TCEA3: variants seen among roughly 807,000 people sequenced by gnomAD.
TCEA3 encodes the protein transcription elongation factor A3.
TCEA3 carries 36 observed loss-of-function variants against 44.0 expected under a neutral mutation model. That is an observed-to-expected ratio of 0.82 (90% CI 0.63 to 1.08). The LOEUF is 1.08. Ranked by LOEUF, TCEA3 falls within the 50% of genes least tolerant of loss-of-function variation. TCEA3 has a pLI of 0.00. For synonymous variants in TCEA3, 162 were observed against 159.7 expected, an observed-to-expected ratio of 1.01 and a Z score of -0.11; for missense variants, 392 against 441.2, an observed-to-expected ratio of 0.89 and a Z score of 1.00.
chr1:23,384,811 C>T (rs577540994), intron 9 of TCEA3, among the ~76,000 whole-genome samples: 47 of 152,040 alleles, frequency 3.1e-4, no homozygotes, highest in Non-Finnish European at 5.6e-4. Context: ...GGATTACAGG[C>T]GCCCGCCACC....
intron 8 of TCEA3, among the ~76,000 whole-genome samples, chr1:23,390,591 CT>C (rs1433954783): frequency 2.0e-5 from 3 of 152,064 alleles, no homozygotes; most frequent in African/African-American, 2.4e-5. Flanking sequence ...GGAGATGTGG[CT>C]GGAGGTCAGA....
intron 9 of TCEA3, among the ~76,000 whole-genome samples, chr1:23,384,861 C>T (rs1638787315): frequency 6.6e-6 from 1 of 151,882 alleles, no homozygotes; most frequent in African/African-American, 2.4e-5. Context: ...GTTGGTCACT[C>T]TTGTTGATCT....
intron 5 of TCEA3, among the ~76,000 whole-genome samples, chr1:23,406,924 G>A (rs529245383): frequency 6.6e-6 from 1 of 152,242 alleles, no homozygotes; most frequent in East Asian, 1.9e-4. Context: ...ACCTGGCCTT[G>A]ACTCTGCAAT....
intron 4 of TCEA3, among the ~76,000 whole-genome samples, chr1:23,412,671 G>A (rs1639769053): frequency 6.6e-6 from 1 of 151,738 alleles, no homozygotes; most frequent in Admixed American, 6.6e-5. Flanking sequence ...TCGTGCCATT[G>A]CACTCCAGCC....
intron 1 of TCEA3, among the ~76,000 whole-genome samples, chr1:23,423,439 A>C (rs1640122740): frequency 1.3e-5 from 2 of 152,100 alleles, no homozygotes; most frequent in African/African-American, 4.8e-5. Flanking sequence ...ATGGACACCA[A>C]CTCATGACTG....
chr1:23,383,152 C>T (rs764558392), intron 10 of TCEA3, among the ~76,000 whole-genome samples: 4 of 151,964 alleles, frequency 2.6e-5, no homozygotes, highest in Non-Finnish European at 4.4e-5. Flanking sequence ...TGGTGGCCGG[C>T]GCCTTTAGTC....
Position 23,423,990 on chromosome 1 carries a change from A to C in TCEA3, c.69+575T>G, listed in dbSNP as rs1050539450. ...CCGTCCGGGCCGCACCCCAAGGCCA[A>C]GGAAAGGGAAAATTGCCAAAAGAAC... On this transcript the variant is annotated intron_variant, in intron 1 of 10. Coordinates refer to ENST00000450454, the MANE Select transcript of TCEA3 (RefSeq NM_003196.3). The C allele has an allele frequency of 3.5e-4, 136 of 386,380 alleles. 2 individuals are homozygous for C. The highest frequency in any genetic ancestry group is 2.5e-3 in the South Asian group (135 of 53,396). 23.9% of individuals were successfully genotyped at this position (386,380 alleles called of 1,614,324 possible).
intron 4 of TCEA3, among the ~76,000 whole-genome samples, chr1:23,413,634 A>T (rs1295811930): frequency 2.0e-5 from 3 of 152,020 alleles, no homozygotes; most frequent in Non-Finnish European, 4.4e-5. Flanking sequence ...GGGTTTCACC[A>T]TGTAGGCCAG....
At chr1:23,422,158 A>C (rs1023578815) in intron 1 of TCEA3, among the ~76,000 whole-genome samples, 3 of 152,158 alleles carry the variant, frequency 2.0e-5, no homozygotes, top group African/African-American at 7.2e-5. Flanking sequence ...CTGTTTGCTA[A>C]GTCTGTAGCA....
chr1:23,412,601 G>A (rs1473576020), intron 4 of TCEA3, among the ~76,000 whole-genome samples: 3 of 151,526 alleles, frequency 2.0e-5, no homozygotes, highest in Non-Finnish European at 4.4e-5. Context: ...CCAGCTACTC[G>A]GGAGGCTGAG....
rs746251049 is a variant in TCEA3, at chr1:23,419,097, T to C, written c.112A>G (p.Met38Val). 1.7e-6 allele frequency: 2 copies of C among 1,169,774 alleles called. No homozygotes were observed. Among genetic ancestry groups the C allele is most frequent in the Non-Finnish European group, 2.3e-6 (2 of 855,064 alleles). The allele number at this position is 1,169,774 out of a possible 1,614,324, so 72.5% of individuals were successfully genotyped here. Residue 38 changes from methionine (M) to valine (V), a missense_variant, in exon 2 of 11, where the codon ATG becomes GTG. By Grantham distance (21) the Met-to-Val change is conservative. Transcript: ENST00000450454. ...DLLKKLHSCQMSIQLLQTTRI... is the reference protein window; with the variant it reads ...DLLKKLHSCQVSIQLLQTTRI... ...CCCACCTGTAGTAGCTGGATGGACA[T>C]CTGGCAGCTGTGCAGCTTCTTCAGA...
chr1:23,386,039 A>G (rs1570222088), intron 9 of TCEA3, among the ~76,000 whole-genome samples: 1 of 152,200 alleles, frequency 6.6e-6, no homozygotes, highest in Non-Finnish European at 1.5e-5. Flanking sequence ...CATGAGTCTG[A>G]TTCTTCTTAT....
At chr1:23,406,012 C>T (rs1570268054) in intron 5 of TCEA3, among the ~76,000 whole-genome samples, 1 of 152,148 alleles carries the variant, frequency 6.6e-6, no homozygotes, top group African/African-American at 2.4e-5. Context: ...GTCATAGTGA[C>T]AACCATAAAC....
intron 5 of TCEA3, among the ~76,000 whole-genome samples, chr1:23,398,346 G>A (rs1337945818): frequency 3.3e-5 from 5 of 152,194 alleles, no homozygotes; most frequent in East Asian, 1.9e-4. Flanking sequence ...AATTGATTAG[G>A]CACTGTGCTA....
intron 5 of TCEA3, among the ~76,000 whole-genome samples, chr1:23,407,044 G>A (rs541028479): frequency 7.9e-5 from 12 of 152,142 alleles, no homozygotes; most frequent in African/African-American, 2.2e-4. Flanking sequence ...CCAACACATC[G>A]AGACCTGAAC....
chr1:23,424,547 C>T lies in TCEA3; in HGVS notation c.69+18G>A. The T allele has an allele frequency of 6.2e-7, 1 of 1,603,694 alleles. No homozygotes were observed. The highest frequency in any genetic ancestry group is 2.3e-5 in the East Asian group (1 of 44,344). On this transcript the variant is annotated intron_variant, in intron 1 of 10. Coordinates refer to ENST00000450454, the MANE Select transcript of TCEA3 (RefSeq NM_003196.3). Reference sequence around the variant, plus strand: ...CCTCCCGGGGGCGGGGGCCGTGGCCCAAACTCTGCAGCCTCACCGTGTTCT... The same window carrying T: ...CCTCCCGGGGGCGGGGGCCGTGGCCTAAACTCTGCAGCCTCACCGTGTTCT...
In TCEA3 at chr1:23,381,379, C is replaced by T; in HGVS notation, c.*87G>A. On this transcript the variant is annotated 3_prime_UTR_variant, in exon 11 of 11. Transcript: ENST00000450454. ...TCAGACAGAGTTCAGTATTTTCCTT[C>T]ACTTTAATTTTTATTGCTTCTCCAG... 4 of 768,576 alleles carry T rather than the reference C, an allele frequency of 5.2e-6. No individual in the cohort carries two copies. The highest frequency in any genetic ancestry group is 4.2e-5 in the South Asian group (3 of 72,266). The allele number at this position is 768,576 out of a possible 1,614,324, so 47.6% of individuals were successfully genotyped here.
intron 7 of TCEA3, among the ~76,000 whole-genome samples, chr1:23,397,028 G>A (rs1006054240): frequency 6.9e-6 from 1 of 145,074 alleles, no homozygotes. Context: ...AAAAAAAAAA[G>A]GGCGCTGTTA....
At chr1:23,386,459 A>G in intron 9 of TCEA3, among the ~76,000 whole-genome samples, 1 of 152,036 alleles carries the variant, frequency 6.6e-6, no homozygotes, top group East Asian at 1.9e-4. Flanking sequence ...GCTGCTCTCA[A>G]ACTCCTAGGC....
Sources: allele counts gnomAD v4.1 joint callset (sites outside exome capture counted in the v4.1 genomes callset), GRCh38; gene constraint gnomAD v4.1.1; transcripts MANE v1.5; gene names NCBI Gene and HGNC (gene_info 2026-07-23, HGNC 2026-07-21).